DERA: variants seen among roughly 807,000 people sequenced by gnomAD.
DERA encodes 2-deoxy-D-ribose 5-phosphate aldolase.
Under a neutral mutation model 41.1 loss-of-function variants are expected in DERA, and 15 were observed. The observed-to-expected ratio is 0.37, with a 90% CI of 0.24 to 0.56. The LOEUF is 0.56. DERA is among the 20% of genes least tolerant of loss of function. The pLI is 0.81. For missense variants in DERA, 396 were observed against 403.4 expected, an observed-to-expected ratio of 0.98 and a Z score of 0.16; for synonymous variants, 139 against 137.4, an observed-to-expected ratio of 1.01 and a Z score of -0.08.
chr12:15,959,803 T>C lies in DERA; in HGVS notation c.278-26T>C. 6.7e-7 allele frequency: 1 copy of C among 1,491,966 alleles called. No homozygotes were observed. The highest frequency in any genetic ancestry group is 1.2e-5 in the South Asian group (1 of 80,666). 92.4% of individuals were successfully genotyped at this position (1,491,966 alleles called of 1,614,324 possible). ...GTATGAGTTGAACTTCATTGAAAGT[T>C]GGCTATTCCTATTTTTTCTTGATAG... On this transcript the variant is annotated intron_variant, in intron 3 of 8. Coordinates refer to ENST00000428559, the MANE Select transcript of DERA (RefSeq NM_015954.4). This position sits in a 1 kb window ranked among gnomAD's most constrained non-coding sequence, Gnocchi z 4.5.
intron 6 of DERA, among the ~76,000 whole-genome samples, chr12:16,024,403 C>T (rs1418473438): frequency 6.6e-6 from 1 of 151,984 alleles, no homozygotes; most frequent in Admixed American, 6.5e-5. Context: ...TGCAAAAAGC[C>T]AGAGAAAGAA....
intron 6 of DERA, among the ~76,000 whole-genome samples, chr12:16,031,917 G>A (rs182651986): frequency 6.6e-6 from 1 of 152,102 alleles, no homozygotes; most frequent in African/African-American, 2.4e-5. Flanking sequence ...TCATTTCTTT[G>A]TCTCCTTGTG....
intron 6 of DERA, among the ~76,000 whole-genome samples, chr12:16,006,819 G>T (rs1171252292): frequency 1.3e-5 from 2 of 152,212 alleles, no homozygotes; most frequent in African/African-American, 4.8e-5. Context: ...GTTCCTAAGA[G>T]CTAGGAAATG....
At chr12:15,961,641 A>G (rs1948588610) in intron 4 of DERA, among the ~76,000 whole-genome samples, 1 of 152,246 alleles carries the variant, frequency 6.6e-6, no homozygotes, top group South Asian at 2.1e-4. Flanking sequence ...TGGCAGCTAC[A>G]CTTGTATAGA....
At chr12:15,953,838 A>G (rs1180862876) in intron 1 of DERA, among the ~76,000 whole-genome samples, 1 of 152,216 alleles carries the variant, frequency 6.6e-6, no homozygotes, top group Non-Finnish European at 1.5e-5. Context: ...TTATTTGATG[A>G]AATTAAAGAG....
chr12:15,939,113 T>A (rs187811093), intron 1 of DERA, among the ~76,000 whole-genome samples: 1 of 152,206 alleles, frequency 6.6e-6, no homozygotes, highest in East Asian at 1.9e-4. Flanking sequence ...AGCTACCTTG[T>A]TGGAAAAGGC....
intron 5 of DERA, among the ~76,000 whole-genome samples, chr12:15,963,319 AT>A (rs1203926755): frequency 6.6e-6 from 1 of 152,216 alleles, no homozygotes; most frequent in Non-Finnish European, 1.5e-5. Context: ...CAAGTCTTTT[AT>A]GCAAAGTTTA....
At chr12:16,032,127 TGTACTTTTC>T (rs1949096697) in intron 6 of DERA, among the ~76,000 whole-genome samples, 1 of 152,204 alleles carries the variant, frequency 6.6e-6, no homozygotes, top group Non-Finnish European at 1.5e-5. Context: ...CTGTATACTG[TGTACTTTTC>T]ATTAAGCATG....
In DERA at chr12:15,984,087, G is replaced by A. The variant is rs1948749300; in HGVS notation, c.637+1651G>A. On this transcript the variant is annotated intron_variant, in intron 6 of 8. Transcript: ENST00000428559. This position sits in a 1 kb window ranked among gnomAD's most constrained non-coding sequence, Gnocchi z 4.5. ...GGTAACAAAGTAAAAGTTTGGAAAC[G>A]AATAACAGCAGCCACTTATAGGACA... 6.6e-6 allele frequency among the ~76,000 whole-genome samples: 1 copy of A among 152,158 alleles called. No homozygotes were observed. Among genetic ancestry groups the A allele is most frequent in the Non-Finnish European group, 1.5e-5 (1 of 68,032 alleles).
chr12:15,926,598 T>C lies in DERA; in HGVS notation c.31+15184T>C, dbSNP rs112289210. ...AAAAATACAAAAAATTAGCCGGGCGTGGTGGCGGGCGCCTGTAGTCCCAGC... is the reference window on the plus strand; with the variant it reads ...AAAAATACAAAAAATTAGCCGGGCGCGGTGGCGGGCGCCTGTAGTCCCAGC... On this transcript the variant is annotated intron_variant, in intron 1 of 8. Transcript: ENST00000428559. Among the ~76,000 whole-genome samples the C allele has an allele frequency of 7.0e-3, 1,054 of 150,826 alleles. 9 individuals are homozygous for C. Among genetic ancestry groups the C allele is most frequent in the African/African-American group, 0.024 (1,006 of 41,086 alleles).
rs763069955 is a variant in DERA at position 15,936,548 on chromosome 12, A to G, written c.32-20388A>G. Among the ~76,000 whole-genome samples, 5 of 152,226 alleles carry G rather than the reference A, an allele frequency of 3.3e-5. No homozygotes were observed. The highest frequency in any genetic ancestry group is 7.3e-5 in the Non-Finnish European group (5 of 68,036). On this transcript the variant is annotated intron_variant, in intron 1 of 8. Transcript: ENST00000428559. The surrounding 1 kb of genome is among the most constrained non-coding windows in gnomAD (Gnocchi z 4.6). ...TAATATATTTTCTTACAGTACCATA[A>G]CATCATTGTCACAGTATCCAAATTT...
At chr12:15,937,515 C>T (rs996794558) in intron 1 of DERA, among the ~76,000 whole-genome samples, 2 of 152,192 alleles carry the variant, frequency 1.3e-5, no homozygotes, top group South Asian at 2.1e-4. Flanking sequence ...TACTCCAATA[C>T]CATGTGAATG....
rs541814165 is a variant in DERA, at chr12:15,918,865, G to C, written c.31+7451G>C. Among the ~76,000 whole-genome samples the C allele has an allele frequency of 6.6e-6, 1 of 152,240 alleles. No homozygotes were observed. The highest frequency in any genetic ancestry group is 2.1e-4 in the South Asian group (1 of 4,826). On this transcript the variant is annotated intron_variant, in intron 1 of 8. Coordinates refer to ENST00000428559, the MANE Select transcript of DERA (RefSeq NM_015954.4). The surrounding 1 kb of genome is among the most constrained non-coding windows in gnomAD (Gnocchi z 4.3). ...TTTCTGACGGAGTAGTTTCTACAAA[G>C]GGACTAGCAAAAGCAGCCTGGCATG...
In DERA at chr12:15,938,799, G is replaced by C. The variant is rs1419063799; in HGVS notation, c.32-18137G>C. On this transcript the variant is annotated intron_variant, in intron 1 of 8. Coordinates refer to ENST00000428559, the MANE Select transcript of DERA (RefSeq NM_015954.4). The surrounding 1 kb of genome is among the most constrained non-coding windows in gnomAD (Gnocchi z 4.1). Reference sequence around the variant, plus strand: ...TTATAAGACAAAACTTGTCAAATAAGATGTTTCTGTTTATGATCCTTTGGG... The same window carrying C: ...TTATAAGACAAAACTTGTCAAATAACATGTTTCTGTTTATGATCCTTTGGG... Among the ~76,000 whole-genome samples, 1 of 152,148 alleles carries C rather than the reference G, an allele frequency of 6.6e-6. No individual in the cohort carries two copies. The highest frequency in any genetic ancestry group is 2.4e-5 in the African/African-American group (1 of 41,440).
rs533734382 is a variant in DERA, at chr12:15,985,116, A to G, written c.637+2680A>G. 6.6e-6 allele frequency: 1 copy of G among 152,218 alleles called. No individual in the cohort carries two copies. Among genetic ancestry groups the G allele is most frequent in the Non-Finnish European group, 1.5e-5 (1 of 68,046 alleles). The allele number at this position is 152,218 out of a possible 1,614,324, so 9.4% of individuals were successfully genotyped here. A position where few individuals can be genotyped will look rare whatever the true frequency, so the allele number is the denominator to read the frequency against. On this transcript the variant is annotated intron_variant, in intron 6 of 8. Transcript: ENST00000428559. The surrounding 1 kb of genome is among the most constrained non-coding windows in gnomAD (Gnocchi z 4.2). ...ACAGATCATTTCCATCCTCCTAGAA[A>G]TATCTTTGTGTCCCTTTATAGTCGC...
rs1044081017 is a variant in DERA at position 15,921,057 on chromosome 12, C to T, written c.31+9643C>T. Among the ~76,000 whole-genome samples the T allele has an allele frequency of 1.4e-4, 22 of 152,082 alleles. No homozygotes were observed. The highest frequency in any genetic ancestry group is 2.5e-4 in the Non-Finnish European group (17 of 68,034). ...AATCTTATGTCATTTTTACCTTAAT[C>T]TTATTATCTTTATATATCATATATT... On this transcript the variant is annotated intron_variant, in intron 1 of 8. Transcript: ENST00000428559. This position sits in a 1 kb window ranked among gnomAD's most constrained non-coding sequence, Gnocchi z 5.3.
intron 5 of DERA, among the ~76,000 whole-genome samples, chr12:15,964,840 G>A (rs1210649778): frequency 2.0e-5 from 3 of 152,204 alleles, no homozygotes; most frequent in Non-Finnish European, 4.4e-5. Flanking sequence ...GGGTTTTGAT[G>A]TAGCTGACTG....
intron 6 of DERA, among the ~76,000 whole-genome samples, chr12:15,987,455 T>G (rs1057425832): frequency 6.6e-6 from 1 of 151,974 alleles, no homozygotes; most frequent in Admixed American, 6.6e-5. Context: ...CGGGTTGGTC[T>G]GAAACTCCTG....
intron 1 of DERA, 73 bp from the exon 2 acceptor site, chr12:15,956,863 G>A (rs1010169497): frequency 9.5e-7 from 1 of 1,052,354 alleles, no homozygotes; most frequent in East Asian, 2.4e-5. Context: ...ATCCTTTCAA[G>A]GACCATGTAA....
Sources: gnomAD v4.1 joint callset for allele counts (sites outside exome capture counted in the v4.1 genomes callset) on GRCh38, gnomAD v4.1.1 for gene constraint, Gnocchi (gnomAD v3.1) non-coding constraint, MANE v1.5 for transcripts, NCBI Gene and HGNC (gene_info 2026-07-23, HGNC 2026-07-21) for gene names.